Variants in GPR89B observed in about 807,000 individuals in gnomAD.
GPR89B encodes G protein-coupled receptor 89B.
A neutral mutation model predicts 52.4 loss-of-function variants in GPR89B; 25 were observed. The ratio of observed to expected loss-of-function variants is 0.48; its 90% CI spans 0.35 to 0.67. GPR89B has a LOEUF of 0.67. Ranked by LOEUF, GPR89B falls within the 30% of genes least tolerant of loss-of-function variation. GPR89B has a pLI of 0.01. For missense variants in GPR89B, 146 were observed against 450.2 expected, an observed-to-expected ratio of 0.32 and a Z score of 6.11; for synonymous variants, 52 against 151.2, an observed-to-expected ratio of 0.34 and a Z score of 4.81.
intron 10 of GPR89B, among the ~76,000 whole-genome samples, chr1:147,977,096 T>A (rs1267567673): frequency 5.3e-5 from 8 of 151,202 alleles, no homozygotes; most frequent in Non-Finnish European, 8.8e-5. Flanking sequence ...TAGCCAGGCA[T>A]GGTGGCAGGC....
chr1:147,944,968 A>T (rs1431848963), intron 5 of GPR89B, among the ~76,000 whole-genome samples: 1 of 151,924 alleles, frequency 6.6e-6, no homozygotes, highest in Non-Finnish European at 1.5e-5. Flanking sequence ...CAGAAAACAG[A>T]ATCTACTGTA....
At chr1:147,960,317 G>C (rs1288128376) in intron 7 of GPR89B, among the ~76,000 whole-genome samples, 2 of 148,942 alleles carry the variant, frequency 1.3e-5, no homozygotes, top group Non-Finnish European at 3.0e-5. Flanking sequence ...GCAGCCAATA[G>C]ATACTAACTC....
At chr1:147,981,834 G>A (rs1658276128) in intron 10 of GPR89B, among the ~76,000 whole-genome samples, 1 of 151,546 alleles carries the variant, frequency 6.6e-6, no homozygotes, top group Non-Finnish European at 1.5e-5. Context: ...TCTATTTTTA[G>A]TAGAGACGAG....
chr1:147,980,818 CAAAAAAAAAAAAA>C (rs1176400328), intron 10 of GPR89B, among the ~76,000 whole-genome samples: 5 of 22,566 alleles, frequency 2.2e-4, no homozygotes, highest in Non-Finnish European at 3.2e-4. Flanking sequence ...GACTCCGTCT[CAAAAAAAAAAAAA>C]AAAAAAAAAA....
At chr1:147,947,954 G>A (rs1655146925) in intron 5 of GPR89B, among the ~76,000 whole-genome samples, 1 of 152,168 alleles carries the variant, frequency 6.6e-6, no homozygotes, top group Non-Finnish European at 1.5e-5. Context: ...TATTTATTGA[G>A]CATCCACTTT....
downstream of GPR89B, chr1:147,995,532 C>T: frequency 1.9e-6 from 3 of 1,546,260 alleles, no homozygotes; most frequent in South Asian, 2.3e-5. Flanking sequence ...ATTAAATATA[C>T]TCATAGGGAC....
intron 1 of GPR89B, among the ~76,000 whole-genome samples, chr1:147,930,019 A>G (rs1653420937): frequency 6.6e-6 from 1 of 152,240 alleles, no homozygotes; most frequent in Admixed American, 6.5e-5. Context: ...CTTTTCACTT[A>G]GAATAAAGAT....
At chr1:148,016,418 A>C in the GPR89B span, among the ~76,000 whole-genome samples, 2 of 101,202 alleles carry the variant, frequency 2.0e-5, no homozygotes. Flanking sequence ...CGGCGAGAGC[A>C]GAAAGAAAGT....
chr1:148,005,899 T>C, the GPR89B span, among the ~76,000 whole-genome samples: 1 of 152,096 alleles, frequency 6.6e-6, no homozygotes, highest in African/African-American at 2.4e-5. Context: ...TTGCCTGCCT[T>C]GTCCTTTGGT....
chr1:147,965,445 T>G (rs1656958723), intron 7 of GPR89B, among the ~76,000 whole-genome samples: 1 of 152,106 alleles, frequency 6.6e-6, no homozygotes, highest in Non-Finnish European at 1.5e-5. Flanking sequence ...ATTAGACTCA[T>G]CCTAGTTCAT....
chr1:147,997,399 A>G (rs1337344788), downstream of GPR89B, among the ~76,000 whole-genome samples: 3 of 151,924 alleles, frequency 2.0e-5, no homozygotes, highest in Non-Finnish European at 4.4e-5. Flanking sequence ...GCTGGGATAC[A>G]CTCTTCCTCT....
the GPR89B span, among the ~76,000 whole-genome samples, chr1:148,006,473 A>C: frequency 7.2e-5 from 11 of 152,068 alleles, no homozygotes; most frequent in Non-Finnish European, 1.6e-4. Flanking sequence ...TTAATAGAGC[A>C]GTTCCCCCTT....
At chr1:147,953,084 G>T (rs1655847905) in intron 5 of GPR89B, among the ~76,000 whole-genome samples, 1 of 141,278 alleles carries the variant, frequency 7.1e-6, no homozygotes, top group Non-Finnish European at 1.5e-5. Context: ...GTCAATGATT[G>T]TTATTTATAA....
chr1:147,931,746 C>T (rs1304343047), intron 1 of GPR89B, among the ~76,000 whole-genome samples: 2 of 151,746 alleles, frequency 1.3e-5, no homozygotes, highest in East Asian at 1.9e-4. Flanking sequence ...CCTCCCCTGC[C>T]CCCAAGTAGT....
At chr1:147,983,416 C>T (rs1309034255) in intron 10 of GPR89B, among the ~76,000 whole-genome samples, 2 of 152,114 alleles carry the variant, frequency 1.3e-5, no homozygotes, top group African/African-American at 4.8e-5. Flanking sequence ...AAAATTTTTG[C>T]AACCTACTCA....
chr1:147,934,755 A>G (rs587698499), intron 1 of GPR89B, among the ~76,000 whole-genome samples: 43 of 151,980 alleles, frequency 2.8e-4, no homozygotes, highest in African/African-American at 9.4e-4. Flanking sequence ...ATATTATGTT[A>G]TAATTATTTA....
chr1:148,020,593 CG>C, the GPR89B span, among the ~76,000 whole-genome samples: 2 of 150,930 alleles, frequency 1.3e-5, no homozygotes, highest in Non-Finnish European at 2.9e-5. Flanking sequence ...TACTGTGCCG[CG>C]CTAATAAAGA....
At chr1:147,972,037 G>A (rs1378738143) in intron 10 of GPR89B, among the ~76,000 whole-genome samples, 1 of 151,712 alleles carries the variant, frequency 6.6e-6, no homozygotes, top group Non-Finnish European at 1.5e-5. Flanking sequence ...ATATTAGTTT[G>A]TATTTTCTAG....
chr1:147,949,160 C>T (rs1400578722), intron 5 of GPR89B, among the ~76,000 whole-genome samples: 2 of 152,162 alleles, frequency 1.3e-5, no homozygotes. Context: ...GGGTCTACCT[C>T]TTTCCACACA....
Sources: allele counts gnomAD v4.1 joint callset (sites outside exome capture counted in the v4.1 genomes callset), GRCh38; gene constraint gnomAD v4.1.1; transcripts MANE v1.5; gene names NCBI Gene and HGNC (gene_info 2026-07-23, HGNC 2026-07-21).